Variants in HECW2 observed in about 807,000 individuals in gnomAD.
HECW2 encodes HECT, C2 and WW domain containing E3 ubiquitin protein ligase 2.
Under a neutral mutation model 175.2 loss-of-function variants are expected in HECW2, and 61 were observed. That is an observed-to-expected ratio of 0.35 (90% confidence interval 0.28 to 0.43). HECW2 has a LOEUF of 0.43. HECW2 is among the 20% of genes least tolerant of loss of function. The pLI is 1.00. For missense variants in HECW2, 1,524 were observed against 2,000.5 expected (o/e 0.76, Z 4.54); for synonymous variants, 671 against 731.0 (o/e 0.92, Z 1.32).
chr2:196,568,426 T>G (rs1381416891), intron 1 of HECW2, among the ~76,000 whole-genome samples: 1 of 152,174 alleles, frequency 6.6e-6, no homozygotes, highest in Non-Finnish European at 1.5e-5. Context: ...AACAAAGCAC[T>G]AAGCCAAAAA....
intron 3 of HECW2, among the ~76,000 whole-genome samples, chr2:196,334,825 A>G (rs9808388): frequency 0.033 from 4,999 of 152,322 alleles, 197 homozygotes; most frequent in African/African-American, 0.095. Context: ...ACGTGCCACA[A>G]TGTTATGTCT....
intron 1 of HECW2, among the ~76,000 whole-genome samples, chr2:196,507,139 C>A (rs1366700959): frequency 2.0e-5 from 2 of 100,370 alleles, no homozygotes; most frequent in Middle Eastern, 6.2e-3. Flanking sequence ...ATATTACACA[C>A]GTTAGTGTGT....
rs1491207969 is a variant in HECW2 at position 196,569,366 on chromosome 2, C to CTAAAA, written c.-36+24141_-36+24142insTTTTA. Among the ~76,000 whole-genome samples the CTAAAA allele has an allele frequency of 3.9e-4, 41 of 104,776 alleles. No individual in the cohort carries two copies. In the Middle Eastern group the frequency reaches 0.021, roughly 54 times the overall value. The allele number at this position is 104,776 out of a possible 152,430, so 68.7% of individuals were successfully genotyped here. On this transcript the variant is annotated intron_variant, in intron 1 of 28. Coordinates refer to ENST00000644978, the MANE Select transcript of HECW2 (RefSeq NM_001348768.2). ...CTAAACTAAACTAAACTAAACTAAA[C>CTAAAA]TAAACTAAAATAAAATAAAATAGGC...
chr2:196,573,696 G>A (rs767243536), intron 1 of HECW2, among the ~76,000 whole-genome samples: 6 of 152,142 alleles, frequency 3.9e-5, no homozygotes, highest in East Asian at 1.9e-4. Flanking sequence ...CGAACACTGC[G>A]GATGCCTCGG....
intron 1 of HECW2, among the ~76,000 whole-genome samples, chr2:196,465,161 G>C (rs1010070040): frequency 1.3e-5 from 2 of 152,160 alleles, no homozygotes; most frequent in African/African-American, 4.8e-5. Context: ...TAAGAGTAAA[G>C]TATTTTATTT....
intron 28 of HECW2, among the ~76,000 whole-genome samples, chr2:196,206,077 AG>A (rs1207621010): frequency 3.3e-5 from 5 of 152,206 alleles, no homozygotes; most frequent in African/African-American, 1.2e-4. Flanking sequence ...CCATGTCCTA[AG>A]AAAACTTTAG....
chr2:196,445,365 T>C (rs542396499), intron 1 of HECW2, among the ~76,000 whole-genome samples: 106 of 152,278 alleles, frequency 7.0e-4, no homozygotes, highest in Admixed American at 2.9e-3. Flanking sequence ...TACAGAAAAA[T>C]GACACAGTGT....
intron 21 of HECW2, chr2:196,239,130 A>C (rs1688358273): frequency 6.6e-6 from 1 of 152,284 alleles, no homozygotes; most frequent in African/African-American, 2.4e-5. Flanking sequence ...CACAAGTGAG[A>C]AGTCCACTTA....
intron 14 of HECW2, among the ~76,000 whole-genome samples, chr2:196,283,095 C>T (rs1003206902): frequency 2.0e-4 from 31 of 151,440 alleles, no homozygotes; most frequent in African/African-American, 7.0e-4. Context: ...CTCGTCTCTA[C>T]TAAAAATATA....
At chr2:196,517,510 A>G (rs1415432975) in intron 1 of HECW2, among the ~76,000 whole-genome samples, 1 of 152,210 alleles carries the variant, frequency 6.6e-6, no homozygotes, top group African/African-American at 2.4e-5. Flanking sequence ...GGCTTTAATA[A>G]ATCTTCAATA....
At chr2:196,215,216 C>A (rs1459961433) in intron 28 of HECW2, among the ~76,000 whole-genome samples, 1 of 152,168 alleles carries the variant, frequency 6.6e-6, no homozygotes, top group Admixed American at 6.6e-5. Flanking sequence ...CTTCTATTTT[C>A]CATATCAGAT....
rs530486065 is a variant in HECW2, at chr2:196,562,258, G to A, written c.-36+31250C>T. On this transcript the variant is annotated intron_variant, in intron 1 of 28. Transcript: ENST00000644978. Reference sequence around the variant, plus strand: ...TTAAACCCTCCCACCCTCCAACCAAGTTAGAAACAATAGCACAAGTGATAC... The same window carrying A: ...TTAAACCCTCCCACCCTCCAACCAAATTAGAAACAATAGCACAAGTGATAC... 9.9e-5 allele frequency among the ~76,000 whole-genome samples: 15 copies of A among 152,172 alleles called. No individual in the cohort carries two copies. In the South Asian group the frequency reaches 2.9e-3, roughly 30 times the overall value.
At chr2:196,560,700 A>G (rs1689968044) in intron 1 of HECW2, among the ~76,000 whole-genome samples, 1 of 152,180 alleles carries the variant, frequency 6.6e-6, no homozygotes, top group Admixed American at 6.5e-5. Context: ...CACACAAATA[A>G]TTTTCCCACA....
At chr2:196,324,592 T>C (rs1004592582) in intron 6 of HECW2, among the ~76,000 whole-genome samples, 1 of 152,212 alleles carries the variant, frequency 6.6e-6, no homozygotes, top group Admixed American at 6.5e-5. Context: ...AAGATCAGTA[T>C]TGCTGATTTT....
intron 1 of HECW2, among the ~76,000 whole-genome samples, chr2:196,550,097 T>A (rs13421947): frequency 0.051 from 7,692 of 152,294 alleles, 648 homozygotes; most frequent in African/African-American, 0.17. Flanking sequence ...TGCTTCTTGA[T>A]CGATTCAACT....
chr2:196,447,379 CT>C (rs1305507410), intron 1 of HECW2, among the ~76,000 whole-genome samples: 1 of 152,220 alleles, frequency 6.6e-6, no homozygotes, highest in Non-Finnish European at 1.5e-5. Flanking sequence ...GAGTCAACCC[CT>C]GTCAACCCCT....
At chr2:196,556,993 T>A (rs1478122982) in intron 1 of HECW2, among the ~76,000 whole-genome samples, 1 of 152,152 alleles carries the variant, frequency 6.6e-6, no homozygotes, top group Non-Finnish European at 1.5e-5. Context: ...ATAAGCAAAC[T>A]CATATAGAAT....
intron 17 of HECW2, chr2:196,269,496 C>CAAAAAAAAAAAAAAAAAAAA (rs66656524): frequency 5.8e-5 from 3 of 51,318 alleles, no homozygotes; most frequent in African/African-American, 8.9e-5. Context: ...CCCCTACCTC[C>CAAAAAAAAAAAAAAAAAAAA]AAAAAAAAAA....
Position 196,329,564 on chromosome 2 carries a change from G to C in HECW2, c.571+11C>G. ...TTTCAAACTGGATGTCACGTTTAAA[G>C]ACATTCTTACCTGACAATGTAAAGC... On this transcript the variant is annotated intron_variant, in intron 5 of 28. Coordinates refer to ENST00000644978, the MANE Select transcript of HECW2 (RefSeq NM_001348768.2). The C allele has an allele frequency of 1.2e-6, 2 of 1,607,650 alleles. No homozygotes were observed. Among genetic ancestry groups the C allele is most frequent in the Non-Finnish European group, 1.7e-6 (2 of 1,174,258 alleles).
Sources: gnomAD v4.1 joint callset for allele counts (sites outside exome capture counted in the v4.1 genomes callset) on GRCh38, gnomAD v4.1.1 for gene constraint, MANE v1.5 for transcripts, NCBI Gene and HGNC (gene_info 2026-07-23, HGNC 2026-07-21) for gene names.